The following NEDD4L variants were observed in gnomAD, a reference collection of about 807,000 sequenced individuals.
NEDD4L encodes E3 ubiquitin-protein ligase NEDD4-like.
A neutral mutation model predicts 148.9 loss-of-function variants in NEDD4L; 54 were observed. The observed-to-expected ratio is 0.36, with a 90% CI of 0.29 to 0.45. NEDD4L has a LOEUF of 0.45. Ranked by LOEUF, NEDD4L falls within the 20% of genes least tolerant of loss-of-function variation. NEDD4L has a pLI of 1.00. For synonymous variants in NEDD4L, 433 were observed against 440.7 expected (o/e 0.98, Z 0.22); for missense variants, 856 against 1,233.8 (o/e 0.69, Z 4.59).
At chr18:58,209,531 T>C (rs1183745687) in intron 2 of NEDD4L, among the ~76,000 whole-genome samples, 2 of 122,586 alleles carry the variant, frequency 1.6e-5, no homozygotes, top group Non-Finnish European at 3.4e-5. Context: ...GTTCCATTAC[T>C]TACTTGCCTT....
chr18:58,111,948 G>T (rs1402745342), intron 1 of NEDD4L, among the ~76,000 whole-genome samples: 1 of 152,144 alleles, frequency 6.6e-6, no homozygotes, highest in African/African-American at 2.4e-5. Context: ...TCAACAACAC[G>T]TGTTGTCTGT....
At chr18:58,210,773 T>C (rs1467070562) in intron 2 of NEDD4L, among the ~76,000 whole-genome samples, 2 of 152,106 alleles carry the variant, frequency 1.3e-5, no homozygotes, top group Admixed American at 1.3e-4. Context: ...AATTTAAAAA[T>C]CTGATGAATT....
At chr18:58,142,239 G>A (rs1220881242) in intron 1 of NEDD4L, among the ~76,000 whole-genome samples, 1 of 150,916 alleles carries the variant, frequency 6.6e-6, no homozygotes, top group Non-Finnish European at 1.5e-5. Context: ...TTGTAGAGAC[G>A]GGATTTCACT....
At chr18:58,386,642 T>C (rs1601986959) in intron 26 of NEDD4L, among the ~76,000 whole-genome samples, 2 of 152,310 alleles carry the variant, frequency 1.3e-5, no homozygotes, top group South Asian at 2.1e-4. Flanking sequence ...AAATATGATA[T>C]AGTATTAGTT....
intron 5 of NEDD4L, among the ~76,000 whole-genome samples, chr18:58,305,429 T>C (rs974859852): frequency 1.3e-5 from 2 of 152,240 alleles, no homozygotes; most frequent in African/African-American, 4.8e-5. Flanking sequence ...TACAGTGATT[T>C]GAGAACTTTG....
At chr18:58,328,208 G>A (rs960829828) in intron 9 of NEDD4L, among the ~76,000 whole-genome samples, 69 of 152,040 alleles carry the variant, frequency 4.5e-4, no homozygotes, top group Admixed American at 9.2e-4. Context: ...CAAGTGATCC[G>A]CCCGCCTTGG....
Position 58,272,607 on chromosome 18 carries a change from G to A in NEDD4L, c.297+20553G>A, listed in dbSNP as rs2051212446. ...ATTACACCACTATACTCCAGCCTGG[G>A]TGACAGAGCGAGACCCTGTCTCAAA... On this transcript the variant is annotated intron_variant, in intron 5 of 30. Coordinates refer to ENST00000400345, the MANE Select transcript of NEDD4L (RefSeq NM_001144967.3). Among the ~76,000 whole-genome samples the A allele has an allele frequency of 2.0e-5, 3 of 151,856 alleles. No individual in the cohort carries two copies. In the South Asian group the frequency reaches 6.3e-4, roughly 32 times the overall value.
intron 1 of NEDD4L, among the ~76,000 whole-genome samples, chr18:58,049,743 G>A (rs1015037810): frequency 2.0e-5 from 3 of 152,126 alleles, no homozygotes; most frequent in Admixed American, 6.6e-5. Flanking sequence ...TTGGGAGGCC[G>A]AGGCAGGAGA....
intron 5 of NEDD4L, among the ~76,000 whole-genome samples, chr18:58,279,686 C>T (rs992163930): frequency 6.6e-6 from 1 of 152,164 alleles, no homozygotes; most frequent in Admixed American, 6.5e-5. Context: ...CATTGATCAA[C>T]TTTTTGTTGC....
At chr18:58,210,707 G>T (rs1385020668) in intron 2 of NEDD4L, among the ~76,000 whole-genome samples, 1 of 151,882 alleles carries the variant, frequency 6.6e-6, no homozygotes, top group African/African-American at 2.4e-5. Context: ...ACTCTTCCAG[G>T]ACATACTAAA....
At chr18:58,330,358 G>T (rs2059689789) in intron 10 of NEDD4L, among the ~76,000 whole-genome samples, 2 of 152,208 alleles carry the variant, frequency 1.3e-5, no homozygotes, top group Non-Finnish European at 2.9e-5. Context: ...AGAGAAGTGT[G>T]TGTGTGTGTT....
chr18:58,227,810 A>G, intron 2 of NEDD4L: 3 of 894,988 alleles, frequency 3.4e-6, no homozygotes, highest in Non-Finnish European at 4.0e-6. Flanking sequence ...CCCTAAGAGC[A>G]GATTATCCTT....
At chr18:58,375,124 C>G (rs1291844666) in intron 24 of NEDD4L, among the ~76,000 whole-genome samples, 1 of 152,104 alleles carries the variant, frequency 6.6e-6, no homozygotes, top group Non-Finnish European at 1.5e-5. Context: ...CCTCTCTCCT[C>G]ATGCCATCTC....
At chr18:58,188,435 C>T (rs1465590050) in intron 2 of NEDD4L, among the ~76,000 whole-genome samples, 2 of 152,164 alleles carry the variant, frequency 1.3e-5, no homozygotes, top group African/African-American at 2.4e-5. Context: ...TCAGGAACCA[C>T]CGAGTGGGTC....
At chr18:58,382,156 G>A (rs1387222095) in intron 24 of NEDD4L, among the ~76,000 whole-genome samples, 1 of 152,268 alleles carries the variant, frequency 6.6e-6, no homozygotes, top group Non-Finnish European at 1.5e-5. Context: ...AGCCATCTCA[G>A]TGTGAATGGG....
chr18:58,132,622 G>A (rs1359625986), intron 1 of NEDD4L, among the ~76,000 whole-genome samples: 4 of 152,142 alleles, frequency 2.6e-5, no homozygotes, highest in Non-Finnish European at 4.4e-5. Flanking sequence ...TAGAGTTGCC[G>A]TGAAGTTTAA....
intron 5 of NEDD4L, among the ~76,000 whole-genome samples, chr18:58,262,905 C>G (rs557861070): frequency 6.6e-6 from 1 of 152,162 alleles, no homozygotes; most frequent in African/African-American, 2.4e-5. Flanking sequence ...CATGTTTTGA[C>G]AGGAAGCTTA....
At chr18:58,339,578 C>G (rs2042179457) in intron 13 of NEDD4L, among the ~76,000 whole-genome samples, 1 of 152,124 alleles carries the variant, frequency 6.6e-6, no homozygotes, top group South Asian at 2.1e-4. Context: ...CTTTAGGGAG[C>G]TTTAGGACTT....
chr18:58,176,572 T>G (rs2038183056), intron 2 of NEDD4L, among the ~76,000 whole-genome samples: 1 of 152,188 alleles, frequency 6.6e-6, no homozygotes, highest in Admixed American at 6.5e-5. Flanking sequence ...TGACCTCAAG[T>G]GACCCTCCCG....
Sources: gnomAD v4.1 joint callset for allele counts (sites outside exome capture counted in the v4.1 genomes callset) on GRCh38, gnomAD v4.1.1 for gene constraint, MANE v1.5 for transcripts, NCBI Gene and HGNC (gene_info 2026-07-23, HGNC 2026-07-21) for gene names.